AP3D1: variants seen among roughly 807,000 people sequenced by gnomAD.
AP3D1 encodes the protein AP-3 complex subunit delta-1.
A neutral mutation model predicts 147.6 loss-of-function variants in AP3D1; 51 were observed. The ratio of observed to expected loss-of-function variants is 0.35; its 90% CI spans 0.28 to 0.44. The LOEUF is 0.44. Ranked by LOEUF, AP3D1 falls within the 20% of genes least tolerant of loss-of-function variation. The pLI is 1.00. For missense variants in AP3D1, 1,421 were observed against 1,624.2 expected, an observed-to-expected ratio of 0.87 and a Z score of 2.15; for synonymous variants, 760 against 663.0, an observed-to-expected ratio of 1.15 and a Z score of -2.25.
chr19:2,160,394 T>C (rs1281140860), intron 1 of AP3D1, among the ~76,000 whole-genome samples: 2 of 152,098 alleles, frequency 1.3e-5, no homozygotes, highest in Non-Finnish European at 2.9e-5. Flanking sequence ...CCGGGAGTGG[T>C]GGCGCATGCC....
intron 1 of AP3D1, among the ~76,000 whole-genome samples, chr19:2,139,976 G>C (rs890638083): frequency 2.0e-5 from 3 of 152,094 alleles, no homozygotes; most frequent in Non-Finnish European, 2.9e-5. Flanking sequence ...GGGGGGGTGG[G>C]GGAGGGCACA....
rs765841034 is a variant in AP3D1, at chr19:2,116,655, G to A, written c.1951C>T (p.Arg651Trp). The change falls in exon 17 of 32, where the codon CGG becomes TGG. Residue 651 changes from arginine (R) to tryptophan (W), a missense_variant. Physicochemically the swap from Arg to Trp is moderately radical, Grantham distance 101. Around this residue, in one of 6 missense-constraint regions of AP3D1, gnomAD observed 791 missense variants for 761.4 expected, o/e 1.04. Transcript: ENST00000643116. ...PRAVFHEEEQRRPKHRPSEAD... is the reference protein window; with the variant it reads ...PRAVFHEEEQWRPKHRPSEAD... Reference sequence around the variant, plus strand: ...TCCGACGGCCGGTGCTTGGGACGCCGCTGCTCCTCCTCGTGGAAGACGGCC... The same window carrying A: ...TCCGACGGCCGGTGCTTGGGACGCCACTGCTCCTCCTCGTGGAAGACGGCC... The A allele has an allele frequency of 9.3e-6, 15 of 1,605,326 alleles. No homozygotes were observed. The highest frequency in any genetic ancestry group is 8.0e-5 in the African/African-American group (6 of 74,760).
chr19:2,120,232 C>T (rs551898752), intron 14 of AP3D1, among the ~76,000 whole-genome samples: 2 of 152,352 alleles, frequency 1.3e-5, no homozygotes, highest in African/African-American at 4.8e-5. Context: ...AACACATTCC[C>T]ACCTCCAGGC....
At chr19:2,130,738 C>G (rs1220199896) in intron 5 of AP3D1, among the ~76,000 whole-genome samples, 1 of 152,236 alleles carries the variant, frequency 6.6e-6, no homozygotes, top group African/African-American at 2.4e-5. Flanking sequence ...GCCTGCCCTC[C>G]AGAGAGAGCC....
At chr19:2,105,554 A>C (rs537410125) in intron 31 of AP3D1, among the ~76,000 whole-genome samples, 30 of 152,336 alleles carry the variant, frequency 2.0e-4, no homozygotes, top group African/African-American at 7.2e-4. Context: ...ATATCTATAG[A>C]AACAATGCTA....
intron 1 of AP3D1, among the ~76,000 whole-genome samples, chr19:2,149,416 T>C (rs556361285): frequency 4.6e-5 from 7 of 151,912 alleles, no homozygotes; most frequent in Middle Eastern, 3.4e-3. Flanking sequence ...TGGTGGTGCA[T>C]GCCTGTAATC....
At chr19:2,117,457 A>G in intron 15 of AP3D1, 90 bp from the exon 16 acceptor site, 2 of 1,396,492 alleles carry the variant, frequency 1.4e-6, no homozygotes, top group Non-Finnish European at 1.9e-6. Flanking sequence ...CCCCTGGCAC[A>G]GTGACGTGTG....
chr19:2,104,148 ACCAACACTCAGACT>A (rs1428055680), intron 31 of AP3D1, among the ~76,000 whole-genome samples: 2 of 115,928 alleles, frequency 1.7e-5, no homozygotes. Flanking sequence ...ACGCCAAGAC[ACCAACACTCAGACT>A]CCAACACCGA....
Position 2,114,784 on chromosome 19 carries a change from T to C in AP3D1, c.2387A>G (p.Asn796Ser), listed in dbSNP as rs369181607. 1.1e-5 allele frequency: 18 copies of C among 1,613,926 alleles called. No individual in the cohort carries two copies. The highest frequency in any genetic ancestry group is 5.5e-5 in the South Asian group (5 of 91,090). Residue 796 changes from asparagine to serine, a missense_variant, in exon 21 of 32, where the codon AAC (asparagine) becomes AGC (serine). This residue lies in a region of AP3D1 where 791 missense variants were observed against 761.4 expected (regional missense o/e 1.04). Transcript: ENST00000643116. ...AATATCCAGAGCCCTGTAGGGGTCG[T>C]TGGGGTCTTTGTCATCCTCGTCGCT... ...LPSDEDDKDP[N>S]DPYRALDIDL...
chr19:2,110,574 G>A (rs535562097), intron 27 of AP3D1, 133 bp downstream of exon 27: 4 of 960,634 alleles, frequency 4.2e-6, no homozygotes, highest in South Asian at 3.4e-5. Context: ...ACACTCAGGA[G>A]GTACTGAGGT....
intron 1 of AP3D1, chr19:2,164,236 G>A (rs2144620411): frequency 1.6e-6 from 2 of 1,269,320 alleles, no homozygotes. Flanking sequence ...GGCTGAGCCC[G>A]CCGTCTACCC....
intron 18 of AP3D1, 106 bp downstream of exon 18, chr19:2,116,101 T>A (rs2018440152): frequency 8.8e-7 from 1 of 1,138,650 alleles, no homozygotes; most frequent in East Asian, 2.5e-5. Flanking sequence ...CCCAGCTCCA[T>A]TCCCAGGATC....
At chr19:2,159,878 G>A (rs1193118842) in intron 1 of AP3D1, among the ~76,000 whole-genome samples, 2 of 150,792 alleles carry the variant, frequency 1.3e-5, no homozygotes, top group East Asian at 2.0e-4. Flanking sequence ...CAACATGCCC[G>A]GCTAATTTTT....
chr19:2,128,284 A>T (rs1387292424), intron 8 of AP3D1, among the ~76,000 whole-genome samples: 1 of 152,052 alleles, frequency 6.6e-6, no homozygotes, highest in African/African-American at 2.4e-5. Context: ...CCACAAAGAA[A>T]ACCCAAACTC....
rs151069086 is a variant in AP3D1, at chr19:2,150,242, G to A, written c.96+997C>T. Among the ~76,000 whole-genome samples, 1,242 of 152,272 alleles carry A rather than the reference G, an allele frequency of 8.2e-3. 12 individuals are homozygous for A. The highest frequency in any genetic ancestry group is 0.017 in the South Asian group (80 of 4,814). ...TGGGACTGGTGCGGTATCAGACGGC[G>A]GCTCTCTTTCAGGCCTGCCTTGCTG... On this transcript the variant is annotated intron_variant, in intron 1 of 31. Transcript: ENST00000643116.
At chr19:2,162,772 C>T (rs1325861484) in intron 1 of AP3D1, among the ~76,000 whole-genome samples, 1 of 152,010 alleles carries the variant, frequency 6.6e-6, no homozygotes, top group Non-Finnish European at 1.5e-5. Flanking sequence ...GACTGCGGGA[C>T]TCTATTGCTG....
chr19:2,164,189 G>A (rs1432450655), intron 1 of AP3D1: 6 of 1,257,212 alleles, frequency 4.8e-6, no homozygotes, highest in African/African-American at 1.6e-5. Context: ...GCGGACATGG[G>A]GGAGAAGCTG....
At chr19:2,123,760 C>T in intron 10 of AP3D1, 70 bp downstream of exon 10, 1 of 1,526,550 alleles carries the variant, frequency 6.6e-7, no homozygotes, top group Non-Finnish European at 8.8e-7. Flanking sequence ...GGTGGGCAAG[C>T]TCCCGCCTGT....
intron 11 of AP3D1, among the ~76,000 whole-genome samples, chr19:2,123,119 T>A (rs543148386): frequency 3.9e-5 from 6 of 152,340 alleles, no homozygotes; most frequent in African/African-American, 1.4e-4. Context: ...CCCCTGCATC[T>A]CCCCTGGGAC....
Sources: allele counts gnomAD v4.1 joint callset (sites outside exome capture counted in the v4.1 genomes callset), GRCh38; gene constraint gnomAD v4.1.1; regional missense constraint gnomAD v4.1.1; transcripts MANE v1.5; gene names NCBI Gene and HGNC (gene_info 2026-07-23, HGNC 2026-07-21).